The following USP48 variants were observed in gnomAD, a reference collection of about 807,000 sequenced individuals.
The protein encoded by USP48 is ubiquitin carboxyl-terminal hydrolase 48.
Under a neutral mutation model 150.7 loss-of-function variants are expected in USP48, and 43 were observed. The observed-to-expected ratio is 0.29, with a 90% CI of 0.22 to 0.37. USP48 has a LOEUF of 0.37. USP48 is among the 10% of genes least tolerant of loss of function. USP48 has a pLI of 1.00. For missense variants in USP48, 813 were observed against 1,249.6 expected, an observed-to-expected ratio of 0.65 and a Z score of 5.27; for synonymous variants, 396 against 425.9, an observed-to-expected ratio of 0.93 and a Z score of 0.86.
intron 11 of USP48, 163 bp downstream of exon 11, chr1:21,728,407 A>T (rs945167543): frequency 2.7e-5 from 38 of 1,407,352 alleles, no homozygotes; most frequent in Non-Finnish European, 3.1e-5. Context: ...AATGCTACAC[A>T]TCAAGTTATT....
chr1:21,726,117 T>G (rs1456490747), intron 11 of USP48, among the ~76,000 whole-genome samples: 2 of 151,356 alleles, frequency 1.3e-5, no homozygotes, highest in African/African-American at 4.9e-5. Flanking sequence ...TGGGGAGGAG[T>G]GGACAGACAG....
At chr1:21,766,400 G>C (rs1211961739) in intron 1 of USP48, among the ~76,000 whole-genome samples, 2 of 152,028 alleles carry the variant, frequency 1.3e-5, no homozygotes, top group African/African-American at 2.4e-5. Flanking sequence ...TTGTGTTCAG[G>C]GAGTAGAAAA....
rs779965195 is a variant in USP48 at position 21,723,882 on chromosome 1, G to A, written c.1648+16C>T. ...TGAGCTGCTCTTTTTTAAACAGAGA[G>A]GACATCTTGAATTACCAGTTAGTCT... On this transcript the variant is annotated intron_variant, in intron 12 of 26. Coordinates refer to ENST00000308271, the MANE Select transcript of USP48 (RefSeq NM_032236.8). 6 of 1,603,902 alleles carry A rather than the reference G, an allele frequency of 3.7e-6. No homozygotes were observed. The highest frequency in any genetic ancestry group is 5.1e-6 in the Non-Finnish European group (6 of 1,172,228).
At chr1:21,738,964 G>A (rs2097774836) in intron 8 of USP48, among the ~76,000 whole-genome samples, 2 of 152,146 alleles carry the variant, frequency 1.3e-5, no homozygotes, top group South Asian at 2.1e-4. Flanking sequence ...TACTGGGTAA[G>A]ATAAAAATAT....
rs149178177 is a variant in USP48 at position 21,722,855 on chromosome 1, T to G, written c.1648+1043A>C. Among the ~76,000 whole-genome samples, 163 of 151,750 alleles carry G rather than the reference T, an allele frequency of 1.1e-3. 1 individual carries two copies. The highest frequency in any genetic ancestry group is 3.7e-3 in the African/African-American group (154 of 41,374). ...GTCTCAAAAAAACAAAAACAAAAATTCCCAGAAATTTAGGAAGCAAAACTC... is the reference window on the plus strand; with the variant it reads ...GTCTCAAAAAAACAAAAACAAAAATGCCCAGAAATTTAGGAAGCAAAACTC... On this transcript the variant is annotated intron_variant, in intron 12 of 26. Transcript: ENST00000308271.
intron 4 of USP48, 60 bp from the exon 5 acceptor site, chr1:21,752,711 A>G: frequency 6.6e-7 from 1 of 1,509,948 alleles, no homozygotes; most frequent in Non-Finnish European, 8.9e-7. Context: ...TCTACTACAA[A>G]TAGTAATACA....
chr1:21,701,378 AAAAG>A, intron 22 of USP48, 116 bp downstream of exon 22: 5 of 737,594 alleles, frequency 6.8e-6, no homozygotes, highest in South Asian at 3.9e-5. Context: ...AAAAAAAAAA[AAAAG>A]AAAAAAAAAG....
chr1:21,776,592 C>CAAA (rs59309344), intron 1 of USP48, among the ~76,000 whole-genome samples: 646 of 57,928 alleles, frequency 0.011, 83 homozygotes, highest in East Asian at 0.075. Flanking sequence ...TGTCTTGTCT[C>CAAA]AAAAAAAAAA....
chr1:21,747,021 A>T, intron 8 of USP48, 46 bp downstream of exon 8: 1 of 1,414,694 alleles, frequency 7.1e-7, no homozygotes, highest in Non-Finnish European at 9.7e-7. Flanking sequence ...ATCACAAGTT[A>T]GAGTCTCTGA....
intron 26 of USP48, among the ~76,000 whole-genome samples, chr1:21,680,316 G>A (rs1488613017): frequency 6.6e-6 from 1 of 152,204 alleles, no homozygotes; most frequent in Non-Finnish European, 1.5e-5. Flanking sequence ...CCCAGATGTA[G>A]TACGAGCACC....
chr1:21,679,303 T>C lies in USP48; in HGVS notation c.*114A>G. ...CACGTTTGAATGGATTTCTGCCTTT[T>C]GGAAGGGGCATGTAATGGTTTAATT... On this transcript the variant is annotated 3_prime_UTR_variant, in exon 27 of 27. Transcript: ENST00000308271. 1 of 1,357,876 alleles carries C rather than the reference T, an allele frequency of 7.4e-7. No individual in the cohort carries two copies. Among genetic ancestry groups the C allele is most frequent in the Non-Finnish European group, 1.1e-6 (1 of 949,810 alleles). 84.1% of individuals were successfully genotyped at this position (1,357,876 alleles called of 1,614,324 possible).
chr1:21,768,049 T>C (rs906959508), intron 1 of USP48, among the ~76,000 whole-genome samples: 1 of 151,724 alleles, frequency 6.6e-6, no homozygotes, highest in Non-Finnish European at 1.5e-5. Flanking sequence ...CTACTAAAAA[T>C]ATAAAAAAGT....
chr1:21,717,336 G>A (rs1299760107), intron 14 of USP48, among the ~76,000 whole-genome samples: 1 of 151,998 alleles, frequency 6.6e-6, no homozygotes, highest in Non-Finnish European at 1.5e-5. Context: ...CCCATGAGGT[G>A]GAGGCTGCAT....
intron 21 of USP48, 57 bp downstream of exon 21, chr1:21,703,455 T>G: frequency 7.1e-7 from 1 of 1,415,568 alleles, no homozygotes; most frequent in Non-Finnish European, 9.9e-7. Context: ...CAACAGCAAA[T>G]CAAGCCAAAG....
At chr1:21,691,470 C>T (rs2152500812) in intron 23 of USP48, among the ~76,000 whole-genome samples, 1 of 152,158 alleles carries the variant, frequency 6.6e-6, no homozygotes, top group East Asian at 1.9e-4. Context: ...CCTATCTCTA[C>T]TAAAAATACA....
chr1:21,714,254 T>C (rs1422854177), intron 15 of USP48, among the ~76,000 whole-genome samples: 3 of 152,138 alleles, frequency 2.0e-5, no homozygotes, highest in Non-Finnish European at 4.4e-5. Flanking sequence ...AAGCCAACTT[T>C]TCTGTGTCAA....
At chr1:21,756,474 C>CAAAAA in intron 3 of USP48, 72 bp downstream of exon 3, 9 of 1,175,268 alleles carry the variant, frequency 7.7e-6, no homozygotes, top group Admixed American at 3.4e-5. Context: ...GAGGAAGACT[C>CAAAAA]AAAAAAAAAA....
At chr1:21,769,570 G>A (rs986544943) in intron 1 of USP48, among the ~76,000 whole-genome samples, 3 of 151,996 alleles carry the variant, frequency 2.0e-5, no homozygotes, top group South Asian at 2.1e-4. Flanking sequence ...GCACCACCAC[G>A]TCTGGCTAAT....
chr1:21,703,389 C>A (rs1201328780), intron 21 of USP48, 123 bp downstream of exon 21: 3 of 567,302 alleles, frequency 5.3e-6, no homozygotes, highest in South Asian at 3.1e-5. Context: ...AATTCTGATG[C>A]CAAACAGCTC....
Sources: allele counts gnomAD v4.1 joint callset (sites outside exome capture counted in the v4.1 genomes callset), GRCh38; gene constraint gnomAD v4.1.1; transcripts MANE v1.5; gene names NCBI Gene and HGNC (gene_info 2026-07-23, HGNC 2026-07-21).